The following HMCN1 variants were observed in gnomAD, a reference collection of about 807,000 sequenced individuals.
HMCN1 encodes the protein hemicentin-1.
HMCN1 carries 321 observed loss-of-function variants against 625.9 expected under a neutral mutation model. That is an observed-to-expected ratio of 0.51 (90% CI 0.47 to 0.56). The LOEUF is 0.56. Among genes scored for constraint, HMCN1 ranks in the 20% least tolerant of loss-of-function variants. The pLI is 0.00. For missense variants in HMCN1, 6,588 were observed against 6,887.3 expected, an observed-to-expected ratio of 0.96 and a Z score of 1.54; for synonymous variants, 2,425 against 2,417.6, an observed-to-expected ratio of 1.00 and a Z score of -0.09.
intron 105 of HMCN1, among the ~76,000 whole-genome samples, chr1:186,184,498 CCTAAGACACAGAGAGGAGAAACT>C (rs1335379934): frequency 1.3e-5 from 2 of 152,076 alleles, no homozygotes; most frequent in Admixed American, 1.3e-4. Context: ...TCAAGAATTG[CCTAAGACACAGAGAGGAGAAACT>C]AAAGGACCCT....
intron 1 of HMCN1, among the ~76,000 whole-genome samples, chr1:185,803,205 C>CAAAAAAAAAAAAAAAAAAAAAAAAAAAA: frequency 2.7e-4 from 16 of 58,752 alleles, no homozygotes; most frequent in East Asian, 6.5e-4. Context: ...AAAAAAAAAG[C>CAAAAAAAAAAAAAAAAAAAAAAAAAAAA]AAAAAAAAAA....
intron 11 of HMCN1, among the ~76,000 whole-genome samples, chr1:185,949,301 G>GT (rs927852561): frequency 6.6e-6 from 1 of 151,716 alleles, no homozygotes; most frequent in Non-Finnish European, 1.5e-5. Flanking sequence ...GGGATGACAA[G>GT]TTTTTTTGGG....
At chr1:185,751,156 C>G (rs1654787320) in intron 1 of HMCN1, among the ~76,000 whole-genome samples, 1 of 152,048 alleles carries the variant, frequency 6.6e-6, no homozygotes, top group Admixed American at 6.5e-5. Context: ...TTCTTATTCC[C>G]CCACCAACCC....
At chr1:186,046,313 A>G (rs754629082) in intron 41 of HMCN1, among the ~76,000 whole-genome samples, 6 of 152,126 alleles carry the variant, frequency 3.9e-5, no homozygotes, top group Non-Finnish European at 8.8e-5. Flanking sequence ...TACTAAAAAC[A>G]CAAAAATTAG....
intron 93 of HMCN1, among the ~76,000 whole-genome samples, chr1:186,146,431 G>C (rs7552194): frequency 0.075 from 11,474 of 152,190 alleles, 1,121 homozygotes; most frequent in African/African-American, 0.23. Context: ...ATGGGCCTTA[G>C]AATTTGCTGG....
chr1:186,065,393 G>A lies in HMCN1; in HGVS notation c.7669G>A (p.Gly2557Ser). ...RYTCLASSPA[G>S]HKSRSFSLNV... ...TACATGTTTGGCTTCCAGTCCAGCT[G>A]GCCACAAGAGCAGGAGCTTCAGTCT... The change falls in exon 49 of 107, where the codon GGC becomes AGC. Residue 2557 changes from glycine to serine, a missense_variant. Transcript: ENST00000271588. 6.2e-7 allele frequency: 1 copy of A among 1,609,602 alleles called. No homozygotes were observed. The highest frequency in any genetic ancestry group is 8.5e-7 in the Non-Finnish European group (1 of 1,179,514).
chr1:186,167,216 C>T (rs916076725), intron 100 of HMCN1, among the ~76,000 whole-genome samples: 6 of 152,330 alleles, frequency 3.9e-5, no homozygotes, highest in Admixed American at 3.9e-4. Flanking sequence ...TTTTGAGTGA[C>T]CATTTGCCTG....
At chr1:185,916,001 G>T (rs1666678729) in intron 6 of HMCN1, among the ~76,000 whole-genome samples, 1 of 151,870 alleles carries the variant, frequency 6.6e-6, no homozygotes, top group African/African-American at 2.4e-5. Context: ...TTATAAAAAA[G>T]ACATGTGTAC....
intron 11 of HMCN1, among the ~76,000 whole-genome samples, chr1:185,959,201 G>T (rs74134228): frequency 0.018 from 2,704 of 152,214 alleles, 67 homozygotes; most frequent in African/African-American, 0.061. Flanking sequence ...TGAAGAAAAA[G>T]TCCTTAGGTA....
At position 185,981,049 on chromosome 1, in the gene HMCN1, A is replaced by G; in HGVS notation, c.2638A>G (p.Thr880Ala). The stretch of plus-strand genomic sequence containing the variant: ...CCAGTTTGGAAAGATCCAGTCAGAG[A>G]CAACAGTAACAGTGACCGGACTTGG... Reference protein sequence around the residue: ...ENQFGKIQSETTVTVTGLVAP... With the variant: ...ENQFGKIQSEATVTVTGLVAP... Residue 880 changes from threonine to alanine, a missense_variant, in exon 17 of 107, where the codon ACA (threonine) becomes GCA (alanine). Around this residue, in one of 3 missense-constraint regions of HMCN1, gnomAD observed 4,628 missense variants for 4,853.1 expected, o/e 0.95. Transcript: ENST00000271588. 1 of 1,608,538 alleles carries G rather than the reference A, an allele frequency of 6.2e-7. No individual in the cohort carries two copies.
At chr1:186,171,493 ACTT>A in intron 101 of HMCN1, 43 bp downstream of exon 101, 1 of 1,366,438 alleles carries the variant, frequency 7.3e-7, no homozygotes, top group Non-Finnish European at 1.0e-6. Context: ...CACCTCTATA[ACTT>A]CTTAATGATG....
intron 6 of HMCN1, among the ~76,000 whole-genome samples, chr1:185,919,822 T>C (rs1666911709): frequency 6.6e-6 from 1 of 152,198 alleles, no homozygotes; most frequent in African/African-American, 2.4e-5. Flanking sequence ...ATGGTAATAA[T>C]ACTCTCTCAC....
At chr1:186,165,756 C>G (rs1399747582) in intron 98 of HMCN1, among the ~76,000 whole-genome samples, 1 of 152,178 alleles carries the variant, frequency 6.6e-6, no homozygotes, top group Non-Finnish European at 1.5e-5. Flanking sequence ...TTCCACTGCC[C>G]AGGCACAAAT....
intron 47 of HMCN1, 26 bp downstream of exon 47, chr1:186,061,990 G>A (rs755135634): frequency 7.1e-7 from 1 of 1,399,206 alleles, no homozygotes; most frequent in Non-Finnish European, 1.0e-6. Context: ...GCAATATCTA[G>A]AAGAAACTTA....
At chr1:186,032,070 A>G (rs2102201218) in intron 36 of HMCN1, among the ~76,000 whole-genome samples, 1 of 152,186 alleles carries the variant, frequency 6.6e-6, no homozygotes, top group Admixed American at 6.5e-5. Context: ...AAATGGGATG[A>G]ATTAAACTAA....
At position 186,128,295 on chromosome 1, in the gene HMCN1, G is replaced by A; in HGVS notation, c.12904+4G>A. 1 of 1,609,328 alleles carries A rather than the reference G, an allele frequency of 6.2e-7. No homozygotes were observed. Reference sequence around the variant, plus strand: ...TTCAATAACAATATTATTCCAGGTTGGTCATTTAATTCTCAAGAAGTGAAT... The same window carrying A: ...TTCAATAACAATATTATTCCAGGTTAGTCATTTAATTCTCAAGAAGTGAAT... On this transcript the variant is annotated splice_donor_region_variant and intron_variant, in intron 83 of 106. Transcript: ENST00000271588.
chr1:186,127,768 T>C (rs575140440), intron 82 of HMCN1, among the ~76,000 whole-genome samples: 18 of 152,296 alleles, frequency 1.2e-4, no homozygotes, highest in African/African-American at 4.3e-4. Flanking sequence ...TGGGATTATT[T>C]GCTCTTTATT....
intron 11 of HMCN1, among the ~76,000 whole-genome samples, chr1:185,948,615 T>C (rs1055590876): frequency 7.3e-5 from 11 of 151,476 alleles, no homozygotes; most frequent in African/African-American, 2.4e-4. Flanking sequence ...TCAGTTAAGG[T>C]GGGGCAGGGC....
At chr1:186,041,557 G>C (rs1656208067) in intron 40 of HMCN1, among the ~76,000 whole-genome samples, 1 of 152,004 alleles carries the variant, frequency 6.6e-6, no homozygotes, top group South Asian at 2.1e-4. Flanking sequence ...GTGAATTAAT[G>C]GCTCTTTGAG....
Sources: gnomAD v4.1 joint callset for allele counts (sites outside exome capture counted in the v4.1 genomes callset) on GRCh38, gnomAD v4.1.1 for gene constraint, gnomAD v4.1.1 regional missense constraint, MANE v1.5 for transcripts, NCBI Gene and HGNC (gene_info 2026-07-23, HGNC 2026-07-21) for gene names.